The following PRRX1 variants were observed in gnomAD, a reference collection of about 807,000 sequenced individuals.
PRRX1 encodes paired related homeobox 1.
A neutral mutation model predicts 24.0 loss-of-function variants in PRRX1; 8 were observed. The observed-to-expected ratio is 0.33, with a 90% CI of 0.20 to 0.60. The LOEUF (loss-of-function observed/expected upper bound fraction) is 0.60. Among genes scored for constraint, PRRX1 ranks in the 20% least tolerant of loss-of-function variants. PRRX1 has a pLI of 0.82. For synonymous variants in PRRX1, 160 were observed against 131.7 expected, an observed-to-expected ratio of 1.22 and a Z score of -1.47; for missense variants, 281 against 322.4, an observed-to-expected ratio of 0.87 and a Z score of 0.98.
chr1:170,719,244 C>T (rs1655004139), intron 1 of PRRX1, among the ~76,000 whole-genome samples: 1 of 152,182 alleles, frequency 6.6e-6, no homozygotes, highest in South Asian at 2.1e-4. Context: ...ATAGTTTCCT[C>T]TCTATAACTC....
At chr1:170,724,131 G>T (rs1394463512) in intron 2 of PRRX1, among the ~76,000 whole-genome samples, 3 of 152,102 alleles carry the variant, frequency 2.0e-5, no homozygotes, top group African/African-American at 7.2e-5. Flanking sequence ...TTTTTCATGG[G>T]ATTGTTTGTT....
rs1655703958 is a variant in PRRX1, at chr1:170,738,785, G to A, written c.*2599G>A. 1 of 228,180 alleles carries A rather than the reference G, an allele frequency of 4.4e-6. No individual in the cohort carries two copies. Among genetic ancestry groups the A allele is most frequent in the African/African-American group, 2.2e-5 (1 of 45,194 alleles). The allele number at this position is 228,180 out of a possible 1,614,324, so 14.1% of individuals were successfully genotyped here. A position where few individuals can be genotyped will look rare whatever the true frequency, so the allele number is the denominator to read the frequency against. ...TTTGATTCAGACATCCATTTCCAGT[G>A]GCAAACAGCAAAGCCTGAACCCATA... On this transcript the variant is annotated 3_prime_UTR_variant, in exon 4 of 4. Transcript: ENST00000239461.
intron 1 of PRRX1, among the ~76,000 whole-genome samples, chr1:170,705,933 C>T (rs1571335376): frequency 4.8e-5 from 5 of 104,320 alleles, no homozygotes. Flanking sequence ...CACACACACA[C>T]ATACACACAC....
chr1:170,697,577 G>C (rs1339295343), intron 1 of PRRX1, among the ~76,000 whole-genome samples: 1 of 150,728 alleles, frequency 6.6e-6, no homozygotes, highest in African/African-American at 2.4e-5. Flanking sequence ...ATCTTTTGCT[G>C]AACATTTTCT....
rs71559512 is a variant in PRRX1 at position 170,689,839 on chromosome 1, C to CCTCTCTCTCT, written c.241+25407_241+25416dup. ...GTCTCTCTCTCTCTCTCTCTCTCTC[C>CCTCTCTCTCT]CTCTCTCTCTCTCTCTCTCTCTCTC... On this transcript the variant is annotated intron_variant, in intron 1 of 3. Transcript: ENST00000239461. Among the ~76,000 whole-genome samples the CCTCTCTCTCT allele has an allele frequency of 3.9e-3, 361 of 91,634 alleles. 6 individuals carry two copies. The highest frequency in any genetic ancestry group is 0.016 in the East Asian group (63 of 3,830). The allele number at this position is 91,634 out of a possible 152,430, so 60.1% of individuals were successfully genotyped here. A position where few individuals can be genotyped will look rare whatever the true frequency, so the allele number is the denominator to read the frequency against.
intron 1 of PRRX1, among the ~76,000 whole-genome samples, chr1:170,716,435 T>A (rs923434683): frequency 6.6e-6 from 1 of 151,954 alleles, no homozygotes; most frequent in African/African-American, 2.4e-5. Context: ...ATACAAAAAA[T>A]TAGCTGGGCG....
At chr1:170,688,946 C>T (rs928292277) in intron 1 of PRRX1, among the ~76,000 whole-genome samples, 1 of 152,028 alleles carries the variant, frequency 6.6e-6, no homozygotes, top group African/African-American at 2.4e-5. Flanking sequence ...AGTTCTGTGA[C>T]AATATAATTG....
At chr1:170,717,159 AAAC>A (rs1216698763) in intron 1 of PRRX1, among the ~76,000 whole-genome samples, 2 of 152,232 alleles carry the variant, frequency 1.3e-5, no homozygotes, top group Non-Finnish European at 1.5e-5. Context: ...CATTTGTTAA[AAAC>A]AACAAGAACA....
chr1:170,717,684 T>G (rs1654950775), intron 1 of PRRX1, among the ~76,000 whole-genome samples: 1 of 152,118 alleles, frequency 6.6e-6, no homozygotes, highest in Non-Finnish European at 1.5e-5. Flanking sequence ...CTTGTATTAC[T>G]TAGAAAGACC....
At chr1:170,714,957 C>T (rs184097063) in intron 1 of PRRX1, among the ~76,000 whole-genome samples, 1 of 152,192 alleles carries the variant, frequency 6.6e-6, no homozygotes, top group African/African-American at 2.4e-5. Context: ...CCATTAGAAA[C>T]ACCCATCTCT....
chr1:170,680,506 C>T lies in PRRX1; in HGVS notation c.241+16047C>T, dbSNP rs368070221. 5.9e-5 allele frequency among the ~76,000 whole-genome samples: 9 copies of T among 152,076 alleles called. No homozygotes were observed. The East Asian group carries it at 9.6e-4, about 16-fold the overall frequency. The stretch of plus-strand genomic sequence containing the variant: ...GTGGTTTATGACATCACTGGAACCC[C>T]GTTGGTGGAATTACAACTTCATAAT... On this transcript the variant is annotated intron_variant, in intron 1 of 3. Transcript: ENST00000239461.
chr1:170,680,485 T>C (rs1352996555), intron 1 of PRRX1, among the ~76,000 whole-genome samples: 1 of 152,192 alleles, frequency 6.6e-6, no homozygotes, highest in Non-Finnish European at 1.5e-5. Context: ...GCTCTAGTGG[T>C]TTATGACATC....
At chr1:170,680,491 A>G (rs759962894) in intron 1 of PRRX1, among the ~76,000 whole-genome samples, 1 of 152,180 alleles carries the variant, frequency 6.6e-6, no homozygotes, top group Non-Finnish European at 1.5e-5. Flanking sequence ...GTGGTTTATG[A>G]CATCACTGGA....
In PRRX1 at chr1:170,664,205, C is replaced by T. The variant is rs1032547781; in HGVS notation, c.-14C>T. 2.5e-6 allele frequency: 4 copies of T among 1,604,898 alleles called. No individual in the cohort carries two copies. The highest frequency in any genetic ancestry group is 1.7e-6 in the Non-Finnish European group (2 of 1,176,276). ...GCGGGAAGAGGGGGGTGGGTGGGAT[C>T]GGTGGGGGAGACCATGACCTCCAGC... On this transcript the variant is annotated 5_prime_UTR_variant, in exon 1 of 4. Transcript: ENST00000239461.
rs1164196617 is a variant in PRRX1, at chr1:170,737,617, G to A, written c.*1431G>A. 1 of 215,702 alleles carries A rather than the reference G, an allele frequency of 4.6e-6. No individual in the cohort carries two copies. Among genetic ancestry groups the A allele is most frequent in the Non-Finnish European group, 9.4e-6 (1 of 106,944 alleles). 13.4% of individuals were successfully genotyped at this position (215,702 alleles called of 1,614,324 possible). On this transcript the variant is annotated 3_prime_UTR_variant, in exon 4 of 4. Coordinates refer to ENST00000239461, the MANE Select transcript of PRRX1 (RefSeq NM_022716.4). ...AAATTCCAACATTTAAAAGGCAATTGTGGGCTATTTTTATTTTTTAATATT... is the reference window on the plus strand; with the variant it reads ...AAATTCCAACATTTAAAAGGCAATTATGGGCTATTTTTATTTTTTAATATT...
intron 1 of PRRX1, among the ~76,000 whole-genome samples, chr1:170,691,590 T>A (rs746497744): frequency 1.1e-4 from 16 of 151,376 alleles, no homozygotes; most frequent in East Asian, 2.0e-4. Flanking sequence ...CCTTTTTTAG[T>A]TCTTTTTAAT....
intron 1 of PRRX1, among the ~76,000 whole-genome samples, chr1:170,705,282 C>T (rs943056097): frequency 6.6e-6 from 1 of 152,070 alleles, no homozygotes; most frequent in Admixed American, 6.6e-5. Context: ...AAATTTTAGA[C>T]ATTATATATA....
At chr1:170,710,189 AG>A in intron 1 of PRRX1, among the ~76,000 whole-genome samples, 1 of 152,324 alleles carries the variant, frequency 6.6e-6, no homozygotes, top group East Asian at 1.9e-4. Flanking sequence ...TTCTCAAAAA[AG>A]TAAAAAAACA....
intron 1 of PRRX1, among the ~76,000 whole-genome samples, chr1:170,688,881 A>G (rs1023731519): frequency 6.6e-6 from 1 of 152,042 alleles, no homozygotes; most frequent in Admixed American, 6.6e-5. Context: ...TTTTGTGCTG[A>G]CTCAAGTTCA....
Sources: gnomAD v4.1 joint callset for allele counts (sites outside exome capture counted in the v4.1 genomes callset) on GRCh38, gnomAD v4.1.1 for gene constraint, MANE v1.5 for transcripts, NCBI Gene and HGNC (gene_info 2026-07-23, HGNC 2026-07-21) for gene names.